Variants in PCDHA5 observed in about 807,000 individuals in gnomAD.
PCDHA5 encodes protocadherin alpha-5.
In PCDHA5, 43 loss-of-function variants were observed where a neutral mutation model predicts 61.6. The observed-to-expected ratio is 0.70, with a 90% confidence interval of 0.55 to 0.90. The LOEUF (loss-of-function observed/expected upper bound fraction) is 0.90, where lower values mean the gene tolerates loss of function less well. PCDHA5 is among the 40% of genes least tolerant of loss of function. The pLI is 0.00. For synonymous variants in PCDHA5, 627 were observed against 543.9 expected, an observed-to-expected ratio of 1.15 and a Z score of -2.13; for missense variants, 1,298 against 1,222.7, an observed-to-expected ratio of 1.06 and a Z score of -0.92.
intron 1 of PCDHA5, chr5:140,884,580 C>G: frequency 6.2e-7 from 1 of 1,614,150 alleles, no homozygotes; most frequent in Non-Finnish European, 8.5e-7. Context: ...GACCTCATGG[C>G]CTTCAGTCCC....
chr5:140,840,505 T>G (rs1776737088), intron 1 of PCDHA5, among the ~76,000 whole-genome samples: 1 of 152,026 alleles, frequency 6.6e-6, no homozygotes, highest in African/African-American at 2.4e-5. Flanking sequence ...AATACTCACT[T>G]TTTGGAGCAG....
At chr5:140,873,449 T>G (rs565390619) in intron 1 of PCDHA5, among the ~76,000 whole-genome samples, 1 of 152,310 alleles carries the variant, frequency 6.6e-6, no homozygotes, top group Non-Finnish European at 1.5e-5. Flanking sequence ...AATAACAAAT[T>G]TGCATTTTAG....
intron 1 of PCDHA5, chr5:140,882,682 A>G (rs782727780): frequency 9.3e-6 from 15 of 1,614,080 alleles, no homozygotes; most frequent in Admixed American, 3.3e-5. Context: ...AAAGCAAGAA[A>G]CGAATAATCA....
In PCDHA5 at chr5:140,978,698, A is replaced by C. The variant is rs150194035; in HGVS notation, c.2353-251A>C. 1.4e-3 allele frequency among the ~76,000 whole-genome samples: 215 copies of C among 152,372 alleles called. 5 individuals carry two copies. In the South Asian group the frequency reaches 0.033, roughly 23 times the overall value. ...ACATGTATTGGGCAAGGCAAAGCCA[A>C]AGGTGGCCTTTACAAGATTATTAAA... is the stretch of plus-strand genomic sequence containing the variant. On this transcript the variant is annotated intron_variant, in intron 1 of 3. Transcript: ENST00000529859.
intron 1 of PCDHA5, chr5:140,856,221 T>C (rs2043861898): frequency 1.9e-6 from 3 of 1,597,980 alleles, no homozygotes; most frequent in Non-Finnish European, 2.6e-6. Flanking sequence ...CTGGCGGAGC[T>C]GGTGCAGCGC....
At chr5:140,961,108 C>T (rs1027018505) in intron 1 of PCDHA5, among the ~76,000 whole-genome samples, 1 of 152,174 alleles carries the variant, frequency 6.6e-6, no homozygotes, top group Non-Finnish European at 1.5e-5. Flanking sequence ...CACCCAACCC[C>T]CTTGCATCTT....
chr5:140,896,615 G>A (rs1293256212), intron 1 of PCDHA5, among the ~76,000 whole-genome samples: 4 of 151,782 alleles, frequency 2.6e-5, no homozygotes, highest in African/African-American at 9.7e-5. Context: ...GGTCTTAAGT[G>A]ATCCACCTGC....
intron 1 of PCDHA5, among the ~76,000 whole-genome samples, chr5:140,839,119 A>T (rs1433775897): frequency 1.3e-5 from 2 of 151,922 alleles, no homozygotes; most frequent in Non-Finnish European, 2.9e-5. Flanking sequence ...TTAAGCCATA[A>T]TATGTCATTC....
Position 140,829,854 on chromosome 5 carries a change from G to A in PCDHA5, c.2352+5727G>A, listed in dbSNP as rs2150176242. On this transcript the variant is annotated intron_variant, in intron 1 of 3. Transcript: ENST00000529859. ...CTGGTGCCGCGGTCACTGGGTGCAG[G>A]CCAAGTGGTGGCGAAGGTGCGCGCA... The A allele has an allele frequency of 5.0e-6, 8 of 1,613,954 alleles. No homozygotes were observed. Among genetic ancestry groups the A allele is most frequent in the Admixed American group, 3.3e-5 (2 of 60,012 alleles).
intron 2 of PCDHA5, among the ~76,000 whole-genome samples, chr5:140,979,807 A>G (rs376087021): frequency 1.3e-4 from 20 of 152,376 alleles, no homozygotes; most frequent in African/African-American, 4.1e-4. Flanking sequence ...CACAACTATC[A>G]AAAGGATTTA....
intron 1 of PCDHA5, chr5:140,835,866 G>A (rs2150246890): frequency 6.2e-7 from 1 of 1,612,132 alleles, no homozygotes. Context: ...CTACTCGCTG[G>A]TGGAGCTGCG....
At chr5:140,956,953 CTG>C (rs1217178036) in intron 1 of PCDHA5, among the ~76,000 whole-genome samples, 2 of 135,202 alleles carry the variant, frequency 1.5e-5, no homozygotes, top group African/African-American at 2.6e-5. Flanking sequence ...CATTAAAACA[CTG>C]TAATTAATCA....
chr5:140,928,146 A>G, intron 1 of PCDHA5: 1 of 1,614,222 alleles, frequency 6.2e-7, no homozygotes, highest in African/African-American at 1.3e-5. Flanking sequence ...TCACGGCCTC[A>G]GATAGTGGCT....
chr5:140,997,785 A>G (rs537383326), intron 3 of PCDHA5, among the ~76,000 whole-genome samples: 2 of 152,218 alleles, frequency 1.3e-5, no homozygotes, highest in Admixed American at 1.3e-4. Flanking sequence ...GTATACCTAT[A>G]TTATAATTTA....
At chr5:140,882,080 C>A in intron 1 of PCDHA5, 1 of 970,966 alleles carries the variant, frequency 1.0e-6, no homozygotes, top group Non-Finnish European at 1.5e-6. Flanking sequence ...CATGGTGTCG[C>A]TCTTCACTGA....
At chr5:140,978,030 A>T (rs2096786422) in intron 1 of PCDHA5, among the ~76,000 whole-genome samples, 1 of 152,194 alleles carries the variant, frequency 6.6e-6, no homozygotes, top group Non-Finnish European at 1.5e-5. Flanking sequence ...GCTTACTGAT[A>T]CAAGACAGTG....
At chr5:140,950,458 A>G (rs568340492) in intron 1 of PCDHA5, among the ~76,000 whole-genome samples, 5 of 152,142 alleles carry the variant, frequency 3.3e-5, no homozygotes, top group Admixed American at 2.6e-4. Flanking sequence ...CTGTCTTCTA[A>G]TGCTCATAGT....
intron 1 of PCDHA5, chr5:140,834,737 T>C (rs2150225179): frequency 1.9e-6 from 3 of 1,614,230 alleles, no homozygotes; most frequent in African/African-American, 1.3e-5. Context: ...AGGTTTTCCA[T>C]GTGGACGTGG....
chr5:140,834,201 A>G, intron 1 of PCDHA5: 1 of 610,058 alleles, frequency 1.6e-6, no homozygotes, highest in South Asian at 2.4e-5. Context: ...TCTTTACCGC[A>G]AATTCTTTCG....
Sources: gnomAD v4.1 joint callset for allele counts (sites outside exome capture counted in the v4.1 genomes callset) on GRCh38, gnomAD v4.1.1 for gene constraint, MANE v1.5 for transcripts, NCBI Gene and HGNC (gene_info 2026-07-23, HGNC 2026-07-21) for gene names.